Variants in EIF2S3B observed in about 807,000 individuals in gnomAD.
EIF2S3B encodes eukaryotic translation initiation factor 2 subunit gamma B.
Under a neutral mutation model 26.4 loss-of-function variants are expected in EIF2S3B, and 16 were observed. That is an observed-to-expected ratio of 0.61 (90% CI 0.41 to 0.92). The LOEUF (loss-of-function observed/expected upper bound fraction) is 0.92. Ranked by LOEUF, EIF2S3B falls within the 40% of genes least tolerant of loss-of-function variation. The probability of loss-of-function intolerance (pLI) is 0.00; values close to 1 mark genes in which losing one functional copy is unlikely to be tolerated. For missense variants in EIF2S3B, 510 were observed against 575.5 expected, an observed-to-expected ratio of 0.89 and a Z score of 1.16; for synonymous variants, 183 against 204.4, an observed-to-expected ratio of 0.90 and a Z score of 0.89.
intron 1 of EIF2S3B, among the ~76,000 whole-genome samples, chr12:10,519,579 A>G (rs1166918378): frequency 2.0e-5 from 3 of 152,154 alleles, no homozygotes; most frequent in African/African-American, 4.8e-5. Flanking sequence ...GGCAACCTAC[A>G]AAATGGGAGA....
downstream of EIF2S3B, among the ~76,000 whole-genome samples, chr12:10,508,935 C>A (rs1384652124): frequency 6.6e-6 from 1 of 151,932 alleles, no homozygotes; most frequent in Non-Finnish European, 1.5e-5. Flanking sequence ...TAAAATCTGA[C>A]CTCCTTCAAA....
intron 1 of EIF2S3B, among the ~76,000 whole-genome samples, chr12:10,514,922 A>T (rs73070530): frequency 0.11 from 17,079 of 152,102 alleles, 1,190 homozygotes; most frequent in Non-Finnish European, 0.17. Flanking sequence ...ATATCTGCTC[A>T]TGTAACATGA....
Position 10,515,700 on chromosome 12 carries a change from A to G in EIF2S3B, c.1309-6903A>G, listed in dbSNP as rs148283965. Among the ~76,000 whole-genome samples, 608 of 152,040 alleles carry G rather than the reference A, an allele frequency of 4.0e-3. 3 individuals carry two copies. Among genetic ancestry groups the G allele is most frequent in the South Asian group, 0.016 (77 of 4,816 alleles). On this transcript the variant is annotated intron_variant, in intron 1 of 1. Coordinates refer to the EIF2S3B transcript ENST00000322446. The stretch of plus-strand genomic sequence containing the variant: ...ATTTCAGTAAGATAAAAATGTAATA[A>G]TCAAAGATTCTCCCAACTCACTGGT...
At chr12:10,516,750 TCATAGATAGCTCTTATTA>T (rs1343456644) in intron 1 of EIF2S3B, among the ~76,000 whole-genome samples, 3 of 152,068 alleles carry the variant, frequency 2.0e-5, no homozygotes, top group Non-Finnish European at 1.5e-5. Context: ...TGTGGGTTTG[TCATAGATAGCTCTTATTA>T]TTTTGAGATA....
chr12:10,521,531 T>C (rs1864832787), intron 1 of EIF2S3B, among the ~76,000 whole-genome samples: 1 of 152,126 alleles, frequency 6.6e-6, no homozygotes, highest in South Asian at 2.1e-4. Flanking sequence ...AAATATATCC[T>C]TCTTCACCTC....
At chr12:10,510,621 T>A (rs1864695188), downstream of EIF2S3B, among the ~76,000 whole-genome samples, 1 of 152,184 alleles carries the variant, frequency 6.6e-6, no homozygotes, top group South Asian at 2.1e-4. Flanking sequence ...ACTTCACTGC[T>A]TACTTCAGAA....
chr12:10,508,133 G>A lies in EIF2S3B; in HGVS notation c.*812G>A, dbSNP rs1003690868. ...TATCTTTGAAATTTTGCATGAAAAG[G>A]ATGCAATGAATGGGTTCGAATTGCA... On this transcript the variant is annotated 3_prime_UTR_variant, in exon 1 of 1. Transcript: ENST00000538173. Among the ~76,000 whole-genome samples, 1 of 152,106 alleles carries A rather than the reference G, an allele frequency of 6.6e-6. No homozygotes were observed. Among genetic ancestry groups the A allele is most frequent in the Non-Finnish European group, 1.5e-5 (1 of 68,026 alleles).
intron 1 of EIF2S3B, among the ~76,000 whole-genome samples, chr12:10,516,319 A>T (rs1007043564): frequency 2.0e-5 from 3 of 152,070 alleles, no homozygotes; most frequent in Non-Finnish European, 4.4e-5. Flanking sequence ...TCATGCATAT[A>T]TCGTAAGCCT....
rs943513452 is a variant in EIF2S3B at position 10,506,254 on chromosome 12, C to A, written c.352C>A (p.Pro118Thr). The change falls in exon 1 of 1, where the codon CCA (proline) becomes ACA (threonine). Residue 118 changes from proline to threonine, a missense_variant. Transcript: ENST00000538173. ...SMPDEFPTDI[P>T]GTKGNFRLVR... ...GCCTGATGAGTTTCCTACAGACATT[C>A]CAGGAACCAAAGGGAACTTCAGATT... 13 of 1,611,052 alleles carry A rather than the reference C, an allele frequency of 8.1e-6. No homozygotes were observed. Among genetic ancestry groups the A allele is most frequent in the Non-Finnish European group, 1.0e-5 (12 of 1,177,368 alleles).
chr12:10,506,259 A>G lies in EIF2S3B; in HGVS notation c.357A>G (p.Gly119=), dbSNP rs61734592. 12,161 of 1,612,692 alleles carry G rather than the reference A, an allele frequency of 7.5e-3. 737 individuals are homozygous for G. The African/African-American group carries it at 0.14, about 18-fold the overall frequency. ...MPDEFPTDIP[G]TKGNFRLVRH... ...ATGAGTTTCCTACAGACATTCCAGG[A>G]ACCAAAGGGAACTTCAGATTAGTCA... The change falls in exon 1 of 1, where the codon GGA becomes GGG. Residue 119 remains glycine, a synonymous_variant. Coordinates refer to ENST00000538173, the MANE Select transcript of EIF2S3B (RefSeq NM_001357734.3).
downstream of EIF2S3B, among the ~76,000 whole-genome samples, chr12:10,509,104 A>G (rs908770486): frequency 2.0e-5 from 3 of 152,046 alleles, no homozygotes; most frequent in African/African-American, 4.8e-5. Flanking sequence ...TTATTTCTCT[A>G]TATCTATTGT....
At chr12:10,510,902 A>T (rs918509571), downstream of EIF2S3B, among the ~76,000 whole-genome samples, 1 of 152,198 alleles carries the variant, frequency 6.6e-6, no homozygotes, top group African/African-American at 2.4e-5. Flanking sequence ...GGGCAAACTT[A>T]TTCACAAGCA....
chr12:10,506,706 C>T lies in EIF2S3B; in HGVS notation c.804C>T (p.Gly268=). 1 of 1,613,998 alleles carries T rather than the reference C, an allele frequency of 6.2e-7. No homozygotes were observed. Among genetic ancestry groups the T allele is most frequent in the Non-Finnish European group, 8.5e-7 (1 of 1,179,916 alleles). ...VIRSFDVNKP[G]CEVDDLKGGV... is the part of the protein sequence containing the mutation. ...GATCTTTTGATGTCAACAAACCTGG[C>T]TGTGAAGTTGATGACCTTAAGGGAG... Residue 268 remains glycine, a synonymous_variant, in exon 1 of 1, where the codon GGC becomes GGT. Transcript: ENST00000538173.
At position 10,505,927 on chromosome 12, in the gene EIF2S3B, A is replaced by ACTCTGGGGCAGCCGTGGGGTG; in HGVS notation, c.39_40insTGGGGTGCTCTGGGGCAGCCG (p.Pro13_His14insTrpGlyAlaLeuGlyGlnPro). The ACTCTGGGGCAGCCGTGGGGTG allele has an allele frequency of 2.5e-6, 4 of 1,598,606 alleles. No individual in the cohort carries two copies. Among genetic ancestry groups the ACTCTGGGGCAGCCGTGGGGTG allele is most frequent in the Non-Finnish European group, 3.4e-6 (4 of 1,167,088 alleles). On this transcript the variant is annotated inframe_insertion, in exon 1 of 1. Transcript: ENST00000538173. ...CATGGCGGGCGGAGAAGCTGGGGTGACTCTGGGGCAGCCGCACCTTTCGCG... is the reference window on the plus strand; with the variant it reads ...CATGGCGGGCGGAGAAGCTGGGGTGACTCTGGGGCAGCCGTGGGGTGCTCTGGGGCAGCCGCACCTTTCGCG...
In EIF2S3B at chr12:10,506,798, G is replaced by C. The variant is rs755237492; in HGVS notation, c.896G>C (p.Gly299Ala). The change falls in exon 1 of 1, where the codon GGT becomes GCT. Residue 299 changes from glycine to alanine, a missense_variant. Transcript: ENST00000538173. ...KVGQETEVRPGIVSKDSEGKL... is the reference protein window; with the variant it reads ...KVGQETEVRPAIVSKDSEGKL... ...GGCCAGGAGACAGAAGTAAGACCTG[G>C]TATTGTTTCCAAAGATAGTGAAGGA... 9 of 1,613,644 alleles carry C rather than the reference G, an allele frequency of 5.6e-6. No individual in the cohort carries two copies. Among genetic ancestry groups the C allele is most frequent in the Non-Finnish European group, 7.6e-6 (9 of 1,179,558 alleles).
rs545217325 is a variant in EIF2S3B, at chr12:10,508,432, T to G, written c.*1111T>G. On this transcript the variant is annotated 3_prime_UTR_variant, in exon 1 of 1. Coordinates refer to ENST00000538173, the MANE Select transcript of EIF2S3B (RefSeq NM_001357734.3). ...ATCCTTCTAGGCCTTCATTTTATGT[T>G]TTTTCTTAACTGTTATATGATTGTG... Among the ~76,000 whole-genome samples the G allele has an allele frequency of 1.3e-5, 2 of 151,640 alleles. No homozygotes were observed. The highest frequency in any genetic ancestry group is 4.8e-5 in the African/African-American group (2 of 41,366).
At chr12:10,519,663 G>GA (rs959820175) in intron 1 of EIF2S3B, among the ~76,000 whole-genome samples, 15 of 152,016 alleles carry the variant, frequency 9.9e-5, no homozygotes, top group South Asian at 4.2e-4. Flanking sequence ...AAATTTACAG[G>GA]AAAAAAACGA....
downstream of EIF2S3B, among the ~76,000 whole-genome samples, chr12:10,509,801 G>A (rs1358255922): frequency 6.6e-6 from 1 of 151,826 alleles, no homozygotes. Context: ...ATACATCCAT[G>A]AGAAGTATAT....
chr12:10,516,221 T>A (rs1864756417), intron 1 of EIF2S3B, among the ~76,000 whole-genome samples: 2 of 152,032 alleles, frequency 1.3e-5, no homozygotes, highest in Non-Finnish European at 2.9e-5. Flanking sequence ...CCTTATAGTT[T>A]ACAAAGTTTC....
Sources: allele counts gnomAD v4.1 joint callset (sites outside exome capture counted in the v4.1 genomes callset), GRCh38; gene constraint gnomAD v4.1.1; transcripts MANE v1.5; gene names NCBI Gene and HGNC (gene_info 2026-07-23, HGNC 2026-07-21).